Variants in SMG6 observed in about 807,000 individuals in gnomAD.
The protein encoded by SMG6 is telomerase-binding protein EST1A.
In SMG6, 66 loss-of-function variants were observed where a neutral mutation model predicts 142.2. The observed-to-expected ratio is 0.46, with a 90% confidence interval of 0.38 to 0.57. The LOEUF (loss-of-function observed/expected upper bound fraction) is 0.57, where lower values mean the gene tolerates loss of function less well. Ranked by LOEUF, SMG6 falls within the 20% of genes least tolerant of loss-of-function variation. The probability of loss-of-function intolerance (pLI) is 0.00; values close to 1 mark genes in which losing one functional copy is unlikely to be tolerated. For missense variants in SMG6, 1,793 were observed against 1,832.0 expected (o/e 0.98, Z 0.39); for synonymous variants, 779 against 702.4 (o/e 1.11, Z -1.72).
chr17:2,184,256 G>C (rs2071899831), intron 12 of SMG6, among the ~76,000 whole-genome samples: 1 of 152,018 alleles, frequency 6.6e-6, no homozygotes, highest in Admixed American at 6.6e-5. Flanking sequence ...CCAGCCACTT[G>C]GGAGGCTGAG....
At chr17:2,122,035 T>C (rs1294836223) in intron 13 of SMG6, among the ~76,000 whole-genome samples, 2 of 152,120 alleles carry the variant, frequency 1.3e-5, no homozygotes, top group Non-Finnish European at 2.9e-5. Flanking sequence ...GGTTTCACCA[T>C]GTTGGCCAGG....
intron 10 of SMG6, chr17:2,235,909 T>G (rs891645797): frequency 2.0e-5 from 3 of 152,058 alleles, no homozygotes; most frequent in African/African-American, 7.2e-5. Flanking sequence ...CCCAAAATGT[T>G]CAGAAAAACA....
At chr17:2,270,019 ACT>A (rs1365465124) in intron 8 of SMG6, among the ~76,000 whole-genome samples, 2 of 151,994 alleles carry the variant, frequency 1.3e-5, no homozygotes, top group African/African-American at 4.8e-5. Context: ...ACAGAGTGAG[ACT>A]CTGTCTCAAA....
At chr17:2,192,422 G>A (rs1203871834) in intron 10 of SMG6, among the ~76,000 whole-genome samples, 1 of 152,216 alleles carries the variant, frequency 6.6e-6, no homozygotes, top group South Asian at 2.1e-4. Flanking sequence ...TGACACCTAA[G>A]TCTGATGCTC....
At chr17:2,219,029 C>A (rs916573605) in intron 10 of SMG6, among the ~76,000 whole-genome samples, 13 of 152,188 alleles carry the variant, frequency 8.5e-5, no homozygotes, top group Non-Finnish European at 4.4e-5. Flanking sequence ...AGGTTTTATT[C>A]TGCCATTTAT....
In SMG6 at chr17:2,071,844, G is replaced by C. The variant is rs2068110600; in HGVS notation, c.3682-2913C>G. On this transcript the variant is annotated intron_variant, in intron 15 of 18. Coordinates refer to ENST00000263073, the MANE Select transcript of SMG6 (RefSeq NM_017575.5). This position sits in a 1 kb window ranked among gnomAD's most constrained non-coding sequence, Gnocchi z 5.6. The stretch of plus-strand genomic sequence containing the variant: ...CACAGGCACCCTTCTACGGGTGTCT[G>C]CATTTCCGGCCCTTTCTGAGTGGCG... 6.6e-6 allele frequency: 1 copy of C among 152,164 alleles called. No homozygotes were observed. Among genetic ancestry groups the C allele is most frequent in the Admixed American group, 6.5e-5 (1 of 15,276 alleles). The allele number at this position is 152,164 out of a possible 1,614,324, so 9.4% of individuals were successfully genotyped here. A position where few individuals can be genotyped will look rare whatever the true frequency, so the allele number is the denominator to read the frequency against.
Position 2,298,976 on chromosome 17 carries a change from G to C in SMG6, c.1777C>G (p.Leu593Val). ...CTGGAGAGCAGGTTGCTGAGCTGCA[G>C]TTCCTGGTTGTCAGCCACCCGGAGA... is the stretch of plus-strand genomic sequence containing the variant. ...RLLRVADNQE[L>V]QLSNLLSRDR... The change falls in exon 2 of 19, where the codon CTG becomes GTG. Residue 593 changes from leucine (L) to valine (V), a missense_variant. Leu to Val is a conservative substitution (Grantham distance 32). Around this residue, in one of 3 missense-constraint regions of SMG6, gnomAD observed 1,597 missense variants for 1,584.6 expected, o/e 1.01. Transcript: ENST00000263073. The C allele has an allele frequency of 6.2e-7, 1 of 1,614,180 alleles. No individual in the cohort carries two copies. The highest frequency in any genetic ancestry group is 8.5e-7 in the Non-Finnish European group (1 of 1,180,036).
In SMG6 at chr17:2,164,610, C is replaced by T. The variant is rs565679638; in HGVS notation, c.3357+8048G>A. Among the ~76,000 whole-genome samples the T allele has an allele frequency of 2.0e-5, 3 of 151,952 alleles. No homozygotes were observed. The South Asian group carries it at 6.2e-4, about 32-fold the overall frequency. The stretch of plus-strand genomic sequence containing the variant: ...GTGACAGAGTAAGAGAGTGAGACTC[C>T]CCGTCTCAAAGAAAAAACAAAAACA... On this transcript the variant is annotated intron_variant, in intron 13 of 18. Coordinates refer to ENST00000263073, the MANE Select transcript of SMG6 (RefSeq NM_017575.5).
chr17:2,063,003 T>G (rs1340765245), intron 18 of SMG6: 3 of 152,598 alleles, frequency 2.0e-5, no homozygotes. Context: ...ACTACTCAGC[T>G]GCCTGGGCCA....
chr17:2,129,241 A>G (rs1344148915), intron 13 of SMG6, among the ~76,000 whole-genome samples: 1 of 152,120 alleles, frequency 6.6e-6, no homozygotes, highest in African/African-American at 2.4e-5. Context: ...TGGGAGGGGC[A>G]AGCCCAGGGA....
chr17:2,261,238 C>T (rs1450049628), intron 8 of SMG6, among the ~76,000 whole-genome samples: 9 of 151,654 alleles, frequency 5.9e-5, no homozygotes, highest in African/African-American at 1.9e-4. Context: ...CACTTGAACC[C>T]GGGAGGCGGA....
chr17:2,146,234 C>T (rs1324936780), intron 13 of SMG6, among the ~76,000 whole-genome samples: 1 of 152,172 alleles, frequency 6.6e-6, no homozygotes, highest in East Asian at 1.9e-4. Flanking sequence ...TGTTAGATTA[C>T]ATAACATGCT....
At chr17:2,199,689 G>GA (rs2072452861) in intron 10 of SMG6, 1 of 151,886 alleles carries the variant, frequency 6.6e-6, no homozygotes, top group South Asian at 2.1e-4. Flanking sequence ...ATGATCACTT[G>GA]AGGCCAGGAA....
At chr17:2,161,088 T>C (rs1411319839) in intron 13 of SMG6, among the ~76,000 whole-genome samples, 10 of 149,992 alleles carry the variant, frequency 6.7e-5, no homozygotes, top group Non-Finnish European at 1.5e-4. Context: ...CAGGTAGGCA[T>C]GCTCACATAA....
chr17:2,277,898 A>C (rs973222334), intron 8 of SMG6, among the ~76,000 whole-genome samples: 1 of 152,126 alleles, frequency 6.6e-6, no homozygotes, highest in Non-Finnish European at 1.5e-5. Flanking sequence ...TTCTTAAAAA[A>C]TTAGCCAGGC....
chr17:2,096,618 T>TTG (rs1481119177), intron 13 of SMG6, among the ~76,000 whole-genome samples: 5 of 152,060 alleles, frequency 3.3e-5, no homozygotes, highest in African/African-American at 1.2e-4. Context: ...AGTGCTGGAG[T>TTG]TGCAGGTGTG....
chr17:2,103,719 G>A (rs2069075095), intron 13 of SMG6, among the ~76,000 whole-genome samples: 3 of 152,110 alleles, frequency 2.0e-5, no homozygotes, highest in African/African-American at 7.2e-5. Context: ...CCAACACCCT[G>A]TAGCTCCCAT....
chr17:2,201,564 G>A (rs1256518446), intron 10 of SMG6, among the ~76,000 whole-genome samples: 2 of 151,502 alleles, frequency 1.3e-5, no homozygotes, highest in Admixed American at 1.3e-4. Flanking sequence ...GTGGTGGCAG[G>A]CACTGTAATG....
At position 2,073,950 on chromosome 17, in the gene SMG6, A is replaced by G. The variant is rs530423064; in HGVS notation, c.3682-5019T>C. Among the ~76,000 whole-genome samples, 284 of 151,256 alleles carry G rather than the reference A, an allele frequency of 1.9e-3. 2 individuals carry two copies. Among genetic ancestry groups the G allele is most frequent in the African/African-American group, 5.8e-3 (239 of 41,254 alleles). On this transcript the variant is annotated intron_variant, in intron 15 of 18. Transcript: ENST00000263073. ...AAAAATCAGCCGGGGATGGTGGCAC[A>G]TGCCTGTAGTCCCAGCTACTCGGGA...
Sources: gnomAD v4.1 joint callset for allele counts (sites outside exome capture counted in the v4.1 genomes callset) on GRCh38, gnomAD v4.1.1 for gene constraint, gnomAD v4.1.1 regional missense constraint, Gnocchi (gnomAD v3.1) non-coding constraint, MANE v1.5 for transcripts, NCBI Gene and HGNC (gene_info 2026-07-23, HGNC 2026-07-21) for gene names.